Variants in BLTP1 observed in about 807,000 individuals in gnomAD.
The protein encoded by BLTP1 is bridge-like lipid transfer protein family member 1, also known as fragile site-associated protein.
the BLTP1 span, among the ~76,000 whole-genome samples, chr4:122,268,118 T>A: frequency 6.6e-6 from 1 of 152,156 alleles, no homozygotes; most frequent in African/African-American, 2.4e-5. Flanking sequence ...AAAATTACTT[T>A]TGTGACATTG....
the BLTP1 span, chr4:122,353,794 G>T: frequency 6.3e-7 from 1 of 1,598,060 alleles, no homozygotes; most frequent in South Asian, 1.1e-5. This position sits in a 1 kb window ranked among gnomAD's most constrained non-coding sequence, Gnocchi z 4.3. Context: ...CTTTAAAAAA[G>T]TATTTTTATT....
At chr4:122,313,799 C>A in the BLTP1 span, 1 of 585,558 alleles carries the variant, frequency 1.7e-6, no homozygotes, top group Non-Finnish European at 2.8e-6. Flanking sequence ...TAAAAAAAAA[C>A]TATTTTGTAT....
At chr4:122,321,517 G>A in the BLTP1 span, among the ~76,000 whole-genome samples, 1 of 145,480 alleles carries the variant, frequency 6.9e-6, no homozygotes, top group Non-Finnish European at 1.5e-5. Context: ...TATTAAATGT[G>A]TGCATGTGTA....
At chr4:122,277,181 T>A in the BLTP1 span, 1 of 677,534 alleles carries the variant, frequency 1.5e-6, no homozygotes, top group Non-Finnish European at 1.8e-6. Flanking sequence ...TACAAAAAAT[T>A]TAAAAACAAG....
the BLTP1 span, among the ~76,000 whole-genome samples, chr4:122,266,157 A>G: frequency 7.9e-5 from 12 of 152,328 alleles, no homozygotes; most frequent in African/African-American, 2.9e-4. Context: ...TTAGTGCTCT[A>G]GCATTGAACA....
At chr4:122,178,888 A>T in the BLTP1 span, among the ~76,000 whole-genome samples, 4 of 152,208 alleles carry the variant, frequency 2.6e-5, no homozygotes, top group African/African-American at 7.2e-5. Context: ...AGGTTTAAAA[A>T]TTTTAAGGTT....
At chr4:122,222,929 T>C in the BLTP1 span, 68 of 908,128 alleles carry the variant, frequency 7.5e-5, no homozygotes, top group Non-Finnish European at 5.5e-5. Flanking sequence ...TGGTGTATCA[T>C]GTAGGCTATA....
chr4:122,188,253 G>A, the BLTP1 span: 1 of 640,240 alleles, frequency 1.6e-6, no homozygotes, highest in African/African-American at 2.0e-5. Context: ...AGGATAAATG[G>A]ATATGCTATC....
At chr4:122,269,301 C>A in the BLTP1 span, 2 of 463,010 alleles carry the variant, frequency 4.3e-6, no homozygotes, top group Non-Finnish European at 5.7e-6. Context: ...AAAATTATAG[C>A]TGTAGCCTAT....
chr4:122,357,709 A>G, the BLTP1 span, among the ~76,000 whole-genome samples: 1 of 152,222 alleles, frequency 6.6e-6, no homozygotes, highest in Admixed American at 6.5e-5. Context: ...CCATTTATTC[A>G]TTCAATATTT....
chr4:122,209,310 C>T, the BLTP1 span: 1 of 1,611,810 alleles, frequency 6.2e-7, no homozygotes, highest in Non-Finnish European at 8.5e-7. Flanking sequence ...ACAGTTAAAC[C>T]AAAATGGCGC....
At chr4:122,256,514 G>A in the BLTP1 span, among the ~76,000 whole-genome samples, 5 of 152,168 alleles carry the variant, frequency 3.3e-5, no homozygotes, top group East Asian at 9.6e-4. Flanking sequence ...AGTAAACGGG[G>A]TGATTCCTGC....
chr4:122,205,032 G>A, the BLTP1 span: 2 of 153,404 alleles, frequency 1.3e-5, no homozygotes, highest in Non-Finnish European at 2.9e-5. Flanking sequence ...CATTAAGTAT[G>A]TTATTCTGCC....
chr4:122,182,397 C>T, the BLTP1 span, among the ~76,000 whole-genome samples: 1 of 152,282 alleles, frequency 6.6e-6, no homozygotes, highest in South Asian at 2.1e-4. Flanking sequence ...GTTCAGGGTC[C>T]TCCATACACA....
the BLTP1 span, among the ~76,000 whole-genome samples, chr4:122,173,844 T>C: frequency 2.6e-5 from 4 of 152,168 alleles, no homozygotes; most frequent in Admixed American, 2.6e-4. Context: ...AAAACTTGGA[T>C]ATGTATTAAA....
the BLTP1 span, among the ~76,000 whole-genome samples, chr4:122,223,378 C>G: frequency 2.6e-5 from 4 of 152,086 alleles, no homozygotes; most frequent in African/African-American, 9.7e-5. Flanking sequence ...TGCGAACTGC[C>G]TCAATGTATA....
At chr4:122,324,565 G>A in the BLTP1 span, 1 of 1,548,554 alleles carries the variant, frequency 6.5e-7, no homozygotes, top group Non-Finnish European at 8.8e-7. Context: ...ATTGAAACAA[G>A]TAATAAAATT....
the BLTP1 span, chr4:122,287,537 G>A: frequency 1.0e-6 from 1 of 983,918 alleles, no homozygotes; most frequent in Non-Finnish European, 1.2e-6. Flanking sequence ...ACACTGTGCT[G>A]TGTCTCAGCT....
the BLTP1 span, chr4:122,214,628 T>C: frequency 1.6e-6 from 1 of 623,858 alleles, no homozygotes; most frequent in Non-Finnish European, 2.0e-6. Flanking sequence ...TTTTTTTTTT[T>C]TTTTTTTTTT....
Sources: gnomAD v4.1 joint callset for allele counts (sites outside exome capture counted in the v4.1 genomes callset) on GRCh38, gnomAD v4.1.1 for gene constraint, Gnocchi (gnomAD v3.1) non-coding constraint, MANE v1.5 for transcripts, NCBI Gene and HGNC (gene_info 2026-07-23, HGNC 2026-07-21) for gene names.